MYH11: variants seen among roughly 807,000 people sequenced by gnomAD.
The protein encoded by MYH11 is myosin heavy chain 11, also known as myosin-11.
In MYH11, 80 loss-of-function variants were observed where a neutral mutation model predicts 246.6. The observed-to-expected ratio is 0.32, with a 90% CI of 0.27 to 0.39. The LOEUF is 0.39. Ranked by LOEUF, MYH11 falls within the 10% of genes least tolerant of loss-of-function variation. The probability of loss-of-function intolerance (pLI) is 1.00; values close to 1 mark genes in which losing one functional copy is unlikely to be tolerated. For missense variants in MYH11, 2,158 were observed against 2,546.8 expected (o/e 0.85, Z 3.29); for synonymous variants, 1,071 against 1,015.5 (o/e 1.05, Z -1.04).
chr16:15,761,766 TC>T (rs1333881616), intron 10 of MYH11, among the ~76,000 whole-genome samples: 1 of 152,188 alleles, frequency 6.6e-6, no homozygotes, highest in Non-Finnish European at 1.5e-5. Context: ...CTGAGGTCTT[TC>T]CTTGGCATCC....
Position 15,812,551 on chromosome 16 carries a change from TAAAAAAA to T in MYH11, c.502+10697_502+10703del, listed in dbSNP as rs71134466. Among the ~76,000 whole-genome samples, 6 of 37,408 alleles carry T rather than the reference TAAAAAAA, an allele frequency of 1.6e-4. No individual in the cohort carries two copies. In the South Asian group the frequency reaches 6.5e-3, roughly 40 times the overall value. The allele number at this position is 37,408 out of a possible 152,430, so 24.5% of individuals were successfully genotyped here. A position where few individuals can be genotyped will look rare whatever the true frequency, so the allele number is the denominator to read the frequency against. ...GGGCAACACAGTAAGATCTTATCTC[TAAAAAAA>T]AAAAAAAAAAAAAAAAAAAAAAAAG... is the stretch of plus-strand genomic sequence containing the variant. On this transcript the variant is annotated intron_variant, in intron 3 of 40. Coordinates refer to ENST00000300036, the MANE Select transcript of MYH11 (RefSeq NM_002474.3).
Position 15,714,568 on chromosome 16 carries a change from C to T in MYH11, c.5786+341G>A, listed in dbSNP as rs2040008963. ...GAAGTGGCGGGGGGTGGTGTTGCAG[C>T]TTCAATGGATGTCGTGAAGACTCAG... On this transcript the variant is annotated intron_variant, in intron 40 of 40. Coordinates refer to ENST00000300036, the MANE Select transcript of MYH11 (RefSeq NM_002474.3). The T allele has an allele frequency of 1.8e-5, 8 of 441,528 alleles. 1 individual carries two copies. In the South Asian group the frequency reaches 2.0e-4, roughly 11 times the overall value. The allele number at this position is 441,528 out of a possible 1,614,324, so 27.4% of individuals were successfully genotyped here. A position where few individuals can be genotyped will look rare whatever the true frequency, so the allele number is the denominator to read the frequency against.
At chr16:15,803,146 A>C (rs2151327719) in intron 3 of MYH11, among the ~76,000 whole-genome samples, 1 of 152,064 alleles carries the variant, frequency 6.6e-6, no homozygotes, top group Middle Eastern at 3.4e-3. Context: ...CAAAGAAAAA[A>C]AAAGCAGGAA....
At chr16:15,825,483 G>A (rs1030662530) in intron 2 of MYH11, among the ~76,000 whole-genome samples, 1 of 151,986 alleles carries the variant, frequency 6.6e-6, no homozygotes, top group African/African-American at 2.4e-5. Flanking sequence ...CTTGATCCCA[G>A]GAGCTCAAGG....
At chr16:15,849,337 G>A (rs967452005) in intron 1 of MYH11, among the ~76,000 whole-genome samples, 14 of 152,076 alleles carry the variant, frequency 9.2e-5, no homozygotes, top group African/African-American at 2.2e-4. Context: ...CAACTTTCTC[G>A]AATGTTTGGA....
chr16:15,812,433 T>C (rs925891929), intron 3 of MYH11, among the ~76,000 whole-genome samples: 1 of 151,594 alleles, frequency 6.6e-6, no homozygotes, highest in African/African-American at 2.4e-5. Context: ...ATAGCAACTT[T>C]AGGCTGGGCA....
At chr16:15,779,285 T>C in intron 6 of MYH11, 2 of 286,058 alleles carry the variant, frequency 7.0e-6, no homozygotes, top group Non-Finnish European at 1.4e-5. Context: ...ACTACAGGCA[T>C]GCACCACCAT....
intron 3 of MYH11, among the ~76,000 whole-genome samples, chr16:15,817,526 G>C (rs548437951): frequency 6.6e-6 from 1 of 152,096 alleles, no homozygotes; most frequent in East Asian, 1.9e-4. Context: ...AAAAGGGGGG[G>C]AGAATTTAAA....
chr16:15,710,019 C>G (rs549368780), intron 40 of MYH11, among the ~76,000 whole-genome samples: 1 of 152,342 alleles, frequency 6.6e-6, no homozygotes, highest in Non-Finnish European at 1.5e-5. Flanking sequence ...GGCATGCTTA[C>G]CAACCTCCCT....
At chr16:15,800,224 A>G (rs554649235) in intron 3 of MYH11, among the ~76,000 whole-genome samples, 1 of 151,842 alleles carries the variant, frequency 6.6e-6, no homozygotes, top group East Asian at 1.9e-4. Context: ...GGAAGAAAGG[A>G]TGGGTGGATG....
At position 15,719,325 on chromosome 16, in the gene MYH11, A is replaced by C. The variant is rs770292380; in HGVS notation, c.5083-17T>G. 6.2e-7 allele frequency: 1 copy of C among 1,608,128 alleles called. No individual in the cohort carries two copies. The stretch of plus-strand genomic sequence containing the variant: ...GGCGAGGTCCTAGGTGGGAGGGAGG[A>C]AGGCTGTTGTCTGCCAGGGAAAGGC... On this transcript the variant is annotated splice_polypyrimidine_tract_variant and intron_variant, in intron 35 of 40. Coordinates refer to ENST00000300036, the MANE Select transcript of MYH11 (RefSeq NM_002474.3).
intron 4 of MYH11, among the ~76,000 whole-genome samples, chr16:15,789,481 A>G (rs74378779): frequency 6.6e-6 from 1 of 152,178 alleles, no homozygotes; most frequent in East Asian, 1.9e-4. Flanking sequence ...CTGCTTTCAC[A>G]CAGATAGGAA....
intron 3 of MYH11, among the ~76,000 whole-genome samples, chr16:15,817,878 G>C (rs1377045698): frequency 1.3e-5 from 2 of 152,074 alleles, no homozygotes; most frequent in East Asian, 3.8e-4. Flanking sequence ...CATTCTTCGA[G>C]GCTTATAAAG....
chr16:15,705,424 A>G (rs560047218), intron 40 of MYH11, among the ~76,000 whole-genome samples: 1 of 152,276 alleles, frequency 6.6e-6, no homozygotes, highest in South Asian at 2.1e-4. Flanking sequence ...GACTTTGGGT[A>G]GGAGGAAGAG....
At chr16:15,778,935 G>A (rs2042286084) in intron 6 of MYH11, 92 bp from the exon 7 acceptor site, 1 of 1,208,910 alleles carries the variant, frequency 8.3e-7, no homozygotes, top group South Asian at 1.2e-5. Flanking sequence ...TGGTACAGAG[G>A]ATGGGAGGTG....
At chr16:15,789,670 A>G (rs569936806) in intron 4 of MYH11, among the ~76,000 whole-genome samples, 1 of 152,328 alleles carries the variant, frequency 6.6e-6, no homozygotes, top group South Asian at 2.1e-4. Flanking sequence ...TCAATGAACC[A>G]AGCCACTCAG....
intron 3 of MYH11, among the ~76,000 whole-genome samples, chr16:15,803,423 C>T (rs561999815): frequency 2.0e-5 from 3 of 151,956 alleles, no homozygotes; most frequent in East Asian, 4.0e-4. Context: ...ACTACAGGTG[C>T]GTGCCACCAC....
At chr16:15,829,208 A>C (rs2043660521) in intron 2 of MYH11, among the ~76,000 whole-genome samples, 1 of 151,996 alleles carries the variant, frequency 6.6e-6, no homozygotes, top group African/African-American at 2.4e-5. Flanking sequence ...GAATAAAATG[A>C]ATTTTTAAAA....
At chr16:15,767,832 C>A (rs114605679) in intron 9 of MYH11, among the ~76,000 whole-genome samples, 2,216 of 151,992 alleles carry the variant, frequency 0.015, 56 homozygotes, top group African/African-American at 0.05. Flanking sequence ...AAGCCAGGAA[C>A]AGCCAGAGCC....
Sources: allele counts gnomAD v4.1 joint callset (sites outside exome capture counted in the v4.1 genomes callset), GRCh38; gene constraint gnomAD v4.1.1; transcripts MANE v1.5; gene names NCBI Gene and HGNC (gene_info 2026-07-23, HGNC 2026-07-21).